Variants in RHOBTB3 observed in about 807,000 individuals in gnomAD.
RHOBTB3 encodes Rho related BTB domain containing 3.
Under a neutral mutation model 67.2 loss-of-function variants are expected in RHOBTB3, and 47 were observed. The observed-to-expected ratio is 0.70, with a 90% CI of 0.55 to 0.89. The LOEUF (loss-of-function observed/expected upper bound fraction) is 0.89. RHOBTB3 is among the 40% of genes least tolerant of loss of function. The pLI is 0.00. For missense variants in RHOBTB3, 631 were observed against 750.0 expected, an observed-to-expected ratio of 0.84 and a Z score of 1.85; for synonymous variants, 273 against 274.2, an observed-to-expected ratio of 1.00 and a Z score of 0.04.
intron 8 of RHOBTB3, chr5:95,770,233 A>G (rs530963035): frequency 6.6e-6 from 2 of 302,356 alleles, no homozygotes; most frequent in South Asian, 8.3e-5. Context: ...TGGTGTAACA[A>G]GTGATGTCAA....
At position 95,755,579 on chromosome 5, in the gene RHOBTB3, G is replaced by A. The variant is rs138557068; in HGVS notation, c.866G>A (p.Ser289Asn). The change falls in exon 6 of 12, where the codon AGT becomes AAT. Residue 289 changes from serine (S) to asparagine (N), a missense_variant. Transcript: ENST00000379982. ...TTCATGCTGCTTTTCAATGTGAAGAGTCCCACTGACATTCAGGATTCCAGT... is the reference window on the plus strand; with the variant it reads ...TTCATGCTGCTTTTCAATGTGAAGAATCCCACTGACATTCAGGATTCCAGT... ...HVFMLLFNVK[S>N]PTDIQDSSII... 41 of 1,613,972 alleles carry A rather than the reference G, an allele frequency of 2.5e-5. No homozygotes were observed. The highest frequency in any genetic ancestry group is 3.3e-5 in the Admixed American group (2 of 59,994).
Position 95,791,793 on chromosome 5 carries a change from G to A in RHOBTB3, c.1721-1266G>A, listed in dbSNP as rs60581702. On this transcript the variant is annotated intron_variant, in intron 11 of 11. Transcript: ENST00000379982. ...ACTCCTGACCTCAAATAATCCGCCC[G>A]CCTCGGCCTCCCAAAGTGGTGGGAT... 2.4e-3 allele frequency among the ~76,000 whole-genome samples: 369 copies of A among 151,578 alleles called. 5 individuals are homozygous for A. Among genetic ancestry groups the A allele is most frequent in the African/African-American group, 8.5e-3 (351 of 41,266 alleles).
intron 8 of RHOBTB3, chr5:95,770,439 A>G (rs1476245930): frequency 7.7e-6 from 2 of 259,322 alleles, no homozygotes; most frequent in Non-Finnish European, 1.6e-5. Context: ...GGCAGTGACC[A>G]CTGCTAAGAA....
chr5:95,768,716 A>G (rs1745618933), intron 8 of RHOBTB3, among the ~76,000 whole-genome samples: 1 of 152,226 alleles, frequency 6.6e-6, no homozygotes, highest in African/African-American at 2.4e-5. Context: ...CACCAGAGCA[A>G]CTGAGAGCTG....
At chr5:95,771,673 A>G (rs1383847252) in intron 8 of RHOBTB3, among the ~76,000 whole-genome samples, 3 of 152,244 alleles carry the variant, frequency 2.0e-5, no homozygotes, top group Non-Finnish European at 2.9e-5. Flanking sequence ...TCTAAAGACA[A>G]CTTTCATAAA....
chr5:95,788,685 C>T (rs1746291531), intron 10 of RHOBTB3, 77 bp from the exon 11 acceptor site: 1 of 958,264 alleles, frequency 1.0e-6, no homozygotes, highest in African/African-American at 1.7e-5. Context: ...CGTGATTGCT[C>T]CCAGGCCGTT....
chr5:95,738,143 G>A (rs567520764), intron 3 of RHOBTB3, among the ~76,000 whole-genome samples: 109 of 152,170 alleles, frequency 7.2e-4, no homozygotes, highest in Non-Finnish European at 1.3e-3. Flanking sequence ...TGCTTAGGTC[G>A]TTACCCAGGA....
At position 95,780,313 on chromosome 5, in the gene RHOBTB3, G is replaced by A. The variant is rs1746011740; in HGVS notation, c.1344G>A (p.Met448Ile). 1 of 1,613,880 alleles carries A rather than the reference G, an allele frequency of 6.2e-7. No homozygotes were observed. Among genetic ancestry groups the A allele is most frequent in the Non-Finnish European group, 8.5e-7 (1 of 1,179,892 alleles). Reference sequence around the variant, plus strand: ...CCCGTTGTGAAGTGATGGCAGCCATGTTTAATGGTAATTACATGGAAGCAA... The same window carrying A: ...CCCGTTGTGAAGTGATGGCAGCCATATTTAATGGTAATTACATGGAAGCAA... ...LVARCEVMAA[M>I]FNGNYMEAKS... The change falls in exon 9 of 12, where the codon ATG becomes ATA. Residue 448 changes from methionine to isoleucine, a missense_variant. Met to Ile is a conservative substitution (Grantham distance 10). Transcript: ENST00000379982.
intron 5 of RHOBTB3, among the ~76,000 whole-genome samples, chr5:95,754,378 G>C (rs1264561056): frequency 6.6e-6 from 1 of 152,164 alleles, no homozygotes; most frequent in Non-Finnish European, 1.5e-5. Flanking sequence ...TCTGTAAAGG[G>C]GCCACAGGCA....
chr5:95,762,082 G>T (rs1004483885), intron 6 of RHOBTB3, among the ~76,000 whole-genome samples: 1 of 152,206 alleles, frequency 6.6e-6, no homozygotes, highest in Admixed American at 6.5e-5. Flanking sequence ...GTGGTGTGCT[G>T]GAGCTGGCAC....
chr5:95,770,624 C>T, intron 8 of RHOBTB3: 2 of 487,170 alleles, frequency 4.1e-6, no homozygotes, highest in Admixed American at 2.0e-5. Context: ...CCATTAATTA[C>T]AGCAGAAGTC....
intron 1 of RHOBTB3, among the ~76,000 whole-genome samples, chr5:95,718,815 G>C (rs1754769730): frequency 1.3e-5 from 2 of 152,170 alleles, no homozygotes; most frequent in Admixed American, 6.5e-5. Context: ...AGAAAACGAA[G>C]ACAGAAGAGG....
Position 95,792,804 on chromosome 5 carries a change from A to T in RHOBTB3, c.1721-255A>T, listed in dbSNP as rs1746450380. ...GAGACTCCATCTCAAAAAAAAAAAA[A>T]AAAGAAAAGGAAAATAATGAAATAC... On this transcript the variant is annotated intron_variant, in intron 11 of 11. Transcript: ENST00000379982. 2.0e-5 allele frequency among the ~76,000 whole-genome samples: 3 copies of T among 152,046 alleles called. No homozygotes were observed. The South Asian group carries it at 6.2e-4, about 31-fold the overall frequency.
chr5:95,721,355 G>A (rs1349682970), intron 1 of RHOBTB3, among the ~76,000 whole-genome samples: 4 of 152,152 alleles, frequency 2.6e-5, no homozygotes, highest in African/African-American at 9.7e-5. Context: ...GAGTGTCCTT[G>A]TCCTACCCAG....
At position 95,731,436 on chromosome 5, in the gene RHOBTB3, G is replaced by T. The variant is rs1029065560; in HGVS notation, c.-247G>T. The T allele has an allele frequency of 3.2e-5, 39 of 1,201,072 alleles. No homozygotes were observed. The highest frequency in any genetic ancestry group is 4.0e-5 in the South Asian group (1 of 25,140). 74.4% of individuals were successfully genotyped at this position (1,201,072 alleles called of 1,614,324 possible). On this transcript the variant is annotated 5_prime_UTR_variant, in exon 1 of 12. It removes an upstream start codon present in the reference 5' UTR. Transcript: ENST00000379982. ...GTGCGGCGGTCCCGCGCCCGGCGAT[G>T]TTCCCGGGCACTCCCTGAGTAGCGG...
intron 4 of RHOBTB3, among the ~76,000 whole-genome samples, chr5:95,749,073 A>G (rs764983903): frequency 1.3e-5 from 2 of 152,242 alleles, no homozygotes; most frequent in Non-Finnish European, 2.9e-5. Context: ...GTTAACACAT[A>G]GCACCTCCCA....
Position 95,755,822 on chromosome 5 carries a change from C to T in RHOBTB3, c.1048+61C>T, listed in dbSNP as rs201217683. 32 of 1,553,746 alleles carry T rather than the reference C, an allele frequency of 2.1e-5. No homozygotes were observed. The East Asian group carries it at 6.9e-4, about 34-fold the overall frequency. On this transcript the variant is annotated intron_variant, in intron 6 of 11. Transcript: ENST00000379982. Reference sequence around the variant, plus strand: ...CATAAGCTTTGGAAATGAAATGTGCCTGTGACACTCAAGGGTACTGGTTAG... The same window carrying T: ...CATAAGCTTTGGAAATGAAATGTGCTTGTGACACTCAAGGGTACTGGTTAG...
At chr5:95,783,649 T>C in intron 9 of RHOBTB3, 148 bp from the exon 10 acceptor site, 6 of 474,266 alleles carry the variant, frequency 1.3e-5, no homozygotes, top group African/African-American at 2.0e-5. Flanking sequence ...GCTGACTCCC[T>C]CGAGGCTTTT....
At chr5:95,787,432 T>C (rs1412836641) in intron 10 of RHOBTB3, among the ~76,000 whole-genome samples, 1 of 146,590 alleles carries the variant, frequency 6.8e-6, no homozygotes, top group Admixed American at 6.8e-5. Context: ...TGTGTTTAAA[T>C]ACTCTCACAC....
Sources: allele counts gnomAD v4.1 joint callset (sites outside exome capture counted in the v4.1 genomes callset), GRCh38; gene constraint gnomAD v4.1.1; transcripts MANE v1.5; gene names NCBI Gene and HGNC (gene_info 2026-07-23, HGNC 2026-07-21).